SRGAP1: variants seen among roughly 807,000 people sequenced by gnomAD.
SRGAP1 encodes SLIT-ROBO Rho GTPase activating protein 1.
SRGAP1 carries 43 observed loss-of-function variants against 121.9 expected under a neutral mutation model. The observed-to-expected ratio is 0.35, with a 90% CI of 0.28 to 0.46. SRGAP1 has a LOEUF of 0.46. Among genes scored for constraint, SRGAP1 ranks in the 20% least tolerant of loss-of-function variants. SRGAP1 has a pLI of 1.00. For missense variants in SRGAP1, 1,102 were observed against 1,350.9 expected (o/e 0.82, Z 2.89); for synonymous variants, 447 against 485.4 (o/e 0.92, Z 1.04).
chr12:64,042,484 A>T (rs2035045132), intron 4 of SRGAP1, among the ~76,000 whole-genome samples: 1 of 152,196 alleles, frequency 6.6e-6, no homozygotes, highest in African/African-American at 2.4e-5. Flanking sequence ...GAGATTTTAC[A>T]GAAATACTTT....
intron 10 of SRGAP1, among the ~76,000 whole-genome samples, chr12:64,084,177 C>A (rs1255555608): frequency 6.6e-6 from 1 of 151,856 alleles, no homozygotes; most frequent in Non-Finnish European, 1.5e-5. Context: ...TTTGGTTATC[C>A]CATTAACTAT....
chr12:64,069,748 C>T (rs373414328), intron 8 of SRGAP1, among the ~76,000 whole-genome samples: 208 of 152,184 alleles, frequency 1.4e-3, no homozygotes, highest in African/African-American at 4.6e-3. Context: ...CTCAACCTCC[C>T]GGGCTCAGGT....
At position 63,984,790 on chromosome 12, in the gene SRGAP1, TG is replaced by T. The variant is rs1197461652; in HGVS notation, c.263+650del. 2.0e-5 allele frequency among the ~76,000 whole-genome samples: 3 copies of T among 151,866 alleles called. No homozygotes were observed. The East Asian group carries it at 5.8e-4, about 29-fold the overall frequency. ...CAGCACTTTGGGAGGCCAAGGCAGG[TG>T]GATCACCTGAGGTCAGGAGTTCAAG... On this transcript the variant is annotated intron_variant, in intron 2 of 21. Transcript: ENST00000355086.
chr12:63,858,432 C>T lies in SRGAP1; in HGVS notation c.67+13549C>T, dbSNP rs183770485. Among the ~76,000 whole-genome samples, 411 of 151,820 alleles carry T rather than the reference C, an allele frequency of 2.7e-3. 1 individual carries two copies. The highest frequency in any genetic ancestry group is 9.4e-3 in the African/African-American group (390 of 41,398). ...CTGGGCTCAAACAATCCTCCTGCCT[C>T]GGCCTTTCAAAGTGCTGGGATTACA... On this transcript the variant is annotated intron_variant, in intron 1 of 21. Transcript: ENST00000355086.
At chr12:63,976,785 T>C (rs910119503) in intron 1 of SRGAP1, among the ~76,000 whole-genome samples, 2 of 152,168 alleles carry the variant, frequency 1.3e-5, no homozygotes, top group African/African-American at 4.8e-5. Context: ...TTGCCACATG[T>C]CACATGACTT....
chr12:64,065,319 C>A, intron 8 of SRGAP1, 100 bp downstream of exon 8: 1 of 1,018,132 alleles, frequency 9.8e-7, no homozygotes, highest in South Asian at 1.4e-5. Flanking sequence ...CAAGATTCAA[C>A]CTCTTCATCA....
chr12:64,018,153 A>G (rs1390832957), intron 4 of SRGAP1, among the ~76,000 whole-genome samples: 3 of 152,134 alleles, frequency 2.0e-5, no homozygotes, highest in Non-Finnish European at 2.9e-5. Context: ...GCAGTGGCAC[A>G]ATCTCGGTCA....
At chr12:63,970,656 T>G (rs1216684768) in intron 1 of SRGAP1, among the ~76,000 whole-genome samples, 2 of 152,222 alleles carry the variant, frequency 1.3e-5, no homozygotes, top group Admixed American at 6.5e-5. Flanking sequence ...TCTAATTATA[T>G]TGAAAGGCAA....
At chr12:63,919,024 T>C (rs1445112096) in intron 1 of SRGAP1, among the ~76,000 whole-genome samples, 1 of 152,054 alleles carries the variant, frequency 6.6e-6, no homozygotes, top group Admixed American at 6.6e-5. Context: ...TTTGGTTTTT[T>C]TGGGGAGGGG....
At chr12:63,849,916 G>T (rs1056365996) in intron 1 of SRGAP1, among the ~76,000 whole-genome samples, 4 of 152,158 alleles carry the variant, frequency 2.6e-5, no homozygotes, top group Non-Finnish European at 5.9e-5. Context: ...AGATAGAACA[G>T]TTACCTATTG....
intron 1 of SRGAP1, among the ~76,000 whole-genome samples, chr12:63,923,780 AAATT>A (rs1338293653): frequency 1.3e-5 from 2 of 152,250 alleles, no homozygotes; most frequent in East Asian, 1.9e-4. Context: ...TTAAGGGACT[AAATT>A]AATTAATTGG....
chr12:63,899,815 A>T (rs1402437555), intron 1 of SRGAP1, among the ~76,000 whole-genome samples: 1 of 152,232 alleles, frequency 6.6e-6, no homozygotes, highest in Admixed American at 6.5e-5. Context: ...GATTTTAAAA[A>T]TCTCTATATT....
In SRGAP1 at chr12:64,149,240, C is replaced by T. The variant is rs932252400; in HGVS notation, c.*6568C>T. 5.9e-5 allele frequency: 9 copies of T among 152,212 alleles called. No individual in the cohort carries two copies. The highest frequency in any genetic ancestry group is 3.9e-4 in the East Asian group (2 of 5,188). The allele number at this position is 152,212 out of a possible 1,614,324, so 9.4% of individuals were successfully genotyped here. ...AATAATGTTGAACTAACCTGTTGAC[C>T]GGAAGGCCTACTCAAAGGCAAGGAT... On this transcript the variant is annotated 3_prime_UTR_variant, in exon 22 of 22. Transcript: ENST00000355086.
At chr12:64,067,542 A>G (rs1436007299) in intron 8 of SRGAP1, among the ~76,000 whole-genome samples, 2 of 152,240 alleles carry the variant, frequency 1.3e-5, no homozygotes, top group African/African-American at 4.8e-5. Context: ...TGTGAGCATG[A>G]CTACTGGTTT....
intron 3 of SRGAP1, among the ~76,000 whole-genome samples, chr12:64,006,811 C>T (rs10784377): frequency 0.51 from 77,227 of 151,510 alleles, 21,306 homozygotes; most frequent in East Asian, 0.78. Context: ...AGATTAATAA[C>T]GAGTTGAATG....
intron 9 of SRGAP1, among the ~76,000 whole-genome samples, chr12:64,079,761 G>T (rs1020760833): frequency 6.6e-6 from 1 of 152,014 alleles, no homozygotes; most frequent in South Asian, 2.1e-4. Flanking sequence ...GAAAGTGCCA[G>T]TTCTTATTTC....
At chr12:64,072,855 A>G (rs2035667763) in intron 8 of SRGAP1, among the ~76,000 whole-genome samples, 1 of 152,214 alleles carries the variant, frequency 6.6e-6, no homozygotes, top group South Asian at 2.1e-4. Context: ...CACAAAGGCA[A>G]CAAAGCCAGT....
intron 8 of SRGAP1, among the ~76,000 whole-genome samples, chr12:64,066,883 C>T (rs1304273655): frequency 1.3e-5 from 2 of 152,168 alleles, no homozygotes; most frequent in Admixed American, 6.5e-5. Flanking sequence ...AGTGACTTCC[C>T]TTGTTTTTCC....
chr12:63,850,925 G>A (rs1206344036), intron 1 of SRGAP1, among the ~76,000 whole-genome samples: 3 of 151,330 alleles, frequency 2.0e-5, no homozygotes, highest in African/African-American at 7.3e-5. Flanking sequence ...GGAGGCCGAG[G>A]CGGGTGGATT....
Sources: allele counts gnomAD v4.1 joint callset (sites outside exome capture counted in the v4.1 genomes callset), GRCh38; gene constraint gnomAD v4.1.1; transcripts MANE v1.5; gene names NCBI Gene and HGNC (gene_info 2026-07-23, HGNC 2026-07-21).